The following DPP10 variants were observed in gnomAD, a reference collection of about 807,000 sequenced individuals.
The protein encoded by DPP10 is dipeptidyl peptidase like 10.
A neutral mutation model predicts 120.9 loss-of-function variants in DPP10; 33 were observed. The ratio of observed to expected loss-of-function variants is 0.27; its 90% CI spans 0.21 to 0.37. The LOEUF is 0.37. Ranked by LOEUF, DPP10 falls within the 10% of genes least tolerant of loss-of-function variation. The pLI is 1.00. For missense variants in DPP10, 816 were observed against 942.8 expected (o/e 0.87, Z 1.76); for synonymous variants, 337 against 326.1 (o/e 1.03, Z -0.36).
chr2:114,724,400 T>C (rs138876310), intron 1 of DPP10, among the ~76,000 whole-genome samples: 84 of 152,348 alleles, frequency 5.5e-4, no homozygotes, highest in East Asian at 4.6e-3. Flanking sequence ...GAGAGCTTTA[T>C]TGGCAATATC....
chr2:115,645,530 A>G (rs966602642), intron 5 of DPP10, among the ~76,000 whole-genome samples: 59 of 152,180 alleles, frequency 3.9e-4, no homozygotes, highest in African/African-American at 1.3e-3. Context: ...CATTTTTCCC[A>G]TGTAATAATT....
intron 1 of DPP10, among the ~76,000 whole-genome samples, chr2:114,689,503 T>C (rs1359941403): frequency 2.0e-5 from 3 of 152,118 alleles, no homozygotes; most frequent in Non-Finnish European, 4.4e-5. Context: ...TTTAGGTTGA[T>C]TCCCTGTCTT....
intron 4 of DPP10, among the ~76,000 whole-genome samples, chr2:115,523,890 A>G (rs2077973536): frequency 6.6e-6 from 1 of 152,168 alleles, no homozygotes; most frequent in Non-Finnish European, 1.5e-5. Context: ...GGTTATTTAA[A>G]TGGATCTTTT....
intron 1 of DPP10, among the ~76,000 whole-genome samples, chr2:115,255,266 G>T (rs1235117660): frequency 6.6e-6 from 1 of 152,170 alleles, no homozygotes; most frequent in Non-Finnish European, 1.5e-5. Flanking sequence ...TGTACCCGTG[G>T]CCTGAGCTGT....
intron 1 of DPP10, among the ~76,000 whole-genome samples, chr2:114,990,020 T>C (rs990485216): frequency 2.0e-5 from 3 of 152,196 alleles, no homozygotes; most frequent in Admixed American, 6.5e-5. Context: ...GTGATGTGTT[T>C]TCCTGATATT....
rs541223053 is a variant in DPP10, at chr2:115,445,639, G to A, written c.272-53871G>A. Among the ~76,000 whole-genome samples the A allele has an allele frequency of 4.9e-4, 75 of 152,266 alleles. No homozygotes were observed. The South Asian group carries it at 0.015, about 31-fold the overall frequency. Reference sequence around the variant, plus strand: ...AAAGAGATGATTTTGGGTATCTGGTGGAAGAAATTTCTAAGCGGCAAAGCA... The same window carrying A: ...AAAGAGATGATTTTGGGTATCTGGTAGAAGAAATTTCTAAGCGGCAAAGCA... On this transcript the variant is annotated intron_variant, in intron 3 of 25. Coordinates refer to ENST00000410059, the MANE Select transcript of DPP10 (RefSeq NM_020868.6).
chr2:114,663,662 TATATATAGAGAGAGAG>T (rs1697644110), intron 1 of DPP10, among the ~76,000 whole-genome samples: 1 of 95,032 alleles, frequency 1.1e-5, no homozygotes, highest in Non-Finnish European at 1.8e-5. Context: ...TATATATATA[TATATATAGAGAGAGAG>T]AGAGAGAGAG....
chr2:115,800,279 GTTGT>G (rs750925926), intron 19 of DPP10, among the ~76,000 whole-genome samples: 58 of 151,656 alleles, frequency 3.8e-4, no homozygotes, highest in Non-Finnish European at 6.3e-4. Flanking sequence ...TTTTGATGGG[GTTGT>G]TTGTTTTTTT....
At chr2:115,659,637 A>T (rs1267624935) in intron 5 of DPP10, among the ~76,000 whole-genome samples, 2 of 152,190 alleles carry the variant, frequency 1.3e-5, no homozygotes, top group Non-Finnish European at 2.9e-5. Flanking sequence ...CTTTCATGGT[A>T]TGTCCATAGG....
At chr2:114,883,924 A>T (rs1691849128) in intron 1 of DPP10, among the ~76,000 whole-genome samples, 1 of 152,192 alleles carries the variant, frequency 6.6e-6, no homozygotes. Flanking sequence ...ATAAAACAAA[A>T]CCAAGAATTT....
At chr2:114,834,790 TACAC>T (rs1687537997) in intron 1 of DPP10, among the ~76,000 whole-genome samples, 1 of 148,050 alleles carries the variant, frequency 6.8e-6, no homozygotes, top group Non-Finnish European at 1.5e-5. Flanking sequence ...AAGCCATGTC[TACAC>T]ACCTATGTAT....
At chr2:115,418,508 C>G (rs1014018306) in intron 3 of DPP10, among the ~76,000 whole-genome samples, 2 of 152,130 alleles carry the variant, frequency 1.3e-5, no homozygotes, top group Admixed American at 1.3e-4. Flanking sequence ...CATTGGCTCA[C>G]ATCTGTAATT....
intron 1 of DPP10, among the ~76,000 whole-genome samples, chr2:114,717,411 A>G (rs1701420972): frequency 6.6e-6 from 1 of 152,206 alleles, no homozygotes; most frequent in Non-Finnish European, 1.5e-5. Context: ...TTAGAAATAT[A>G]TCATTAAATC....
intron 3 of DPP10, among the ~76,000 whole-genome samples, chr2:115,351,798 A>T (rs1223029468): frequency 1.3e-5 from 2 of 152,060 alleles, no homozygotes; most frequent in African/African-American, 4.8e-5. Flanking sequence ...AAAATGTTTT[A>T]TTTATTGCTA....
intron 1 of DPP10, among the ~76,000 whole-genome samples, chr2:114,511,850 A>G (rs1271359807): frequency 6.6e-6 from 1 of 152,172 alleles, no homozygotes; most frequent in East Asian, 1.9e-4. Flanking sequence ...AGAACAGAAC[A>G]CTTCCTCCAG....
At chr2:114,891,129 T>C (rs1692509444) in intron 1 of DPP10, among the ~76,000 whole-genome samples, 5 of 151,998 alleles carry the variant, frequency 3.3e-5, no homozygotes, top group African/African-American at 9.7e-5. Flanking sequence ...TTCCAAAGCA[T>C]GAAAGAATGC....
chr2:115,079,971 C>T (rs753405115), intron 1 of DPP10, among the ~76,000 whole-genome samples: 5 of 152,100 alleles, frequency 3.3e-5, no homozygotes, highest in African/African-American at 9.7e-5. Flanking sequence ...TGGGATTGAC[C>T]ATAGAAGGAA....
intron 3 of DPP10, among the ~76,000 whole-genome samples, chr2:115,408,045 A>T (rs1243144802): frequency 6.6e-6 from 1 of 151,980 alleles, no homozygotes; most frequent in East Asian, 1.9e-4. Context: ...AAAATGAAGC[A>T]TTCCTCTTTC....
chr2:115,260,572 G>T (rs963426755), intron 1 of DPP10, among the ~76,000 whole-genome samples: 8 of 152,146 alleles, frequency 5.3e-5, no homozygotes, highest in African/African-American at 1.9e-4. Flanking sequence ...GAGAAGTACT[G>T]TTGTTTCCTT....
Sources: gnomAD v4.1 joint callset for allele counts (sites outside exome capture counted in the v4.1 genomes callset) on GRCh38, gnomAD v4.1.1 for gene constraint, MANE v1.5 for transcripts, NCBI Gene and HGNC (gene_info 2026-07-23, HGNC 2026-07-21) for gene names.